ATP7A: variants seen among roughly 807,000 people sequenced by gnomAD.
The protein encoded by ATP7A is copper-transporting ATPase 1.
A neutral mutation model predicts 83.5 loss-of-function variants in ATP7A; 7 were observed. The observed-to-expected ratio is 0.08, with a 90% CI of 0.05 to 0.16. The LOEUF is 0.16. Ranked by LOEUF, ATP7A falls within the 10% of genes least tolerant of loss-of-function variation. The pLI, the probability that ATP7A is intolerant of heterozygous loss-of-function variation, is 1.00. For synonymous variants in ATP7A, 354 were observed against 395.2 expected, an observed-to-expected ratio of 0.90 and a Z score of 1.24; for missense variants, 940 against 1,120.8, an observed-to-expected ratio of 0.84 and a Z score of 2.30.
intron 1 of ATP7A, among the ~76,000 whole-genome samples, chrX:77,946,662 C>A (rs1018471235): frequency 1.9e-5 from 2 of 104,269 alleles, no homozygotes; most frequent in African/African-American, 7.0e-5. Context: ...TTCAATTCTT[C>A]ATTGAAATTT....
intron 16 of ATP7A, 69 bp downstream of exon 16, chrX:78,031,651 C>T: frequency 9.2e-7 from 1 of 1,090,201 alleles, no homozygotes; most frequent in Non-Finnish European, 1.3e-6. Context: ...CAAATCTAGT[C>T]TGGTGTTTGA....
At chrX:77,993,190 TA>T (rs1475359083) in intron 4 of ATP7A, among the ~76,000 whole-genome samples, 2 of 112,120 alleles carry the variant, frequency 1.8e-5, no homozygotes, top group African/African-American at 6.5e-5. Context: ...AAAACTGAAA[TA>T]TTTTTCATGT....
At chrX:78,010,541 C>G (rs1441020955) in intron 7 of ATP7A, among the ~76,000 whole-genome samples, 2 of 99,670 alleles carry the variant, frequency 2.0e-5, no homozygotes, top group Non-Finnish European at 4.0e-5. Flanking sequence ...TATGCAAGGC[C>G]TTGAATAATA....
intron 17 of ATP7A, among the ~76,000 whole-genome samples, chrX:78,036,632 G>A (rs200740235): frequency 1.8e-5 from 2 of 111,723 alleles, no homozygotes; most frequent in East Asian, 5.6e-4. Context: ...TGTAATCCCA[G>A]CACTTTGGGA....
chrX:78,042,634 C>T lies in ATP7A; in HGVS notation c.3851C>T (p.Ala1284Val). The part of the protein sequence containing the change: ...FAEVLPSHKV[A>V]KVKQLQEEGK... ...GAAGTTCTACCTTCTCACAAGGTTGCTAAAGTGAAGCAACTTCAAGAGGAG... is the reference window on the plus strand; with the variant it reads ...GAAGTTCTACCTTCTCACAAGGTTGTTAAAGTGAAGCAACTTCAAGAGGAG... The change falls in exon 20 of 23, where the codon GCT becomes GTT. Residue 1284 changes from alanine to valine, a missense_variant. This residue lies in a region of ATP7A where 386 missense variants were observed against 502.2 expected (regional missense o/e 0.77). Coordinates refer to ENST00000341514, the MANE Select transcript of ATP7A (RefSeq NM_000052.7). 1 of 1,211,769 alleles carries T rather than the reference C, an allele frequency of 8.3e-7. No individual in the cohort carries two copies. Among genetic ancestry groups the T allele is most frequent in the South Asian group, 1.8e-5 (1 of 56,979 alleles).
At chrX:78,041,228 C>T (rs781802782) in intron 19 of ATP7A, among the ~76,000 whole-genome samples, 1 of 111,693 alleles carries the variant, frequency 9.0e-6, no homozygotes, top group Non-Finnish European at 1.9e-5. Flanking sequence ...AATGCCTTCT[C>T]CCCTCTTCTA....
At chrX:78,036,576 T>A (rs1270946143) in intron 17 of ATP7A, among the ~76,000 whole-genome samples, 2 of 111,188 alleles carry the variant, frequency 1.8e-5, no homozygotes, top group East Asian at 5.7e-4. Context: ...AGGGACAAAA[T>A]CTGACTTAAC....
chrX:78,041,859 T>A (rs1557238446), intron 19 of ATP7A, among the ~76,000 whole-genome samples: 1 of 110,814 alleles, frequency 9.0e-6, no homozygotes, highest in Non-Finnish European at 1.9e-5. Context: ...GGCTCACGCC[T>A]GTAATCCCAG....
At chrX:77,936,708 A>G (rs1362294907) in intron 1 of ATP7A, among the ~76,000 whole-genome samples, 1 of 112,870 alleles carries the variant, frequency 8.9e-6, no homozygotes, top group Non-Finnish European at 1.9e-5. Context: ...TAATCCATAA[A>G]TGAAAAAATG....
chrX:77,940,045 A>G (rs1053277820), intron 1 of ATP7A, among the ~76,000 whole-genome samples: 10 of 110,764 alleles, frequency 9.0e-5, no homozygotes, highest in African/African-American at 3.3e-4. Flanking sequence ...GGTTCATATG[A>G]AAGAGTAAAT....
Position 78,042,586 on chromosome X carries a change from T to C in ATP7A, c.3803T>C (p.Val1268Ala). Residue 1268 changes from valine (V) to alanine (A), a missense_variant and splice_region_variant, in exon 20 of 23, where the codon GTT becomes GCT. By Grantham distance (64) the Val-to-Ala change is moderately conservative. This residue lies in a region of ATP7A where 386 missense variants were observed against 502.2 expected (regional missense o/e 0.77). Coordinates refer to ENST00000341514, the MANE Select transcript of ATP7A (RefSeq NM_000052.7). ...SKTARSIASQ[V>A]GITKVFAEVL... ...ATTGAGTTTATTTTCATCACATAGG[T>C]TGGCATTACTAAGGTGTTTGCTGAA... 4 of 1,210,453 alleles carry C rather than the reference T, an allele frequency of 3.3e-6. No homozygotes were observed. Among genetic ancestry groups the C allele is most frequent in the Non-Finnish European group, 4.5e-6 (4 of 894,081 alleles).
intron 19 of ATP7A, among the ~76,000 whole-genome samples, chrX:78,041,785 C>T (rs1313936298): frequency 2.2e-4 from 24 of 110,742 alleles, no homozygotes; most frequent in Admixed American, 1.9e-3. Flanking sequence ...GCTTTTTTTA[C>T]GTAACAGTAT....
intron 4 of ATP7A, among the ~76,000 whole-genome samples, chrX:77,994,180 A>G (rs1200286965): frequency 1.8e-5 from 2 of 110,108 alleles, no homozygotes; most frequent in Non-Finnish European, 3.8e-5. Context: ...ATTCTCCTGC[A>G]TCAGCCTCCT....
Position 77,998,517 on chromosome X carries a change from C to T in ATP7A, c.1376C>T (p.Ser459Leu), listed in dbSNP as rs1557232786. 6.6e-6 allele frequency: 8 copies of T among 1,210,014 alleles called. No individual in the cohort carries two copies. In the South Asian group the frequency reaches 8.8e-5, roughly 13 times the overall value. Residue 459 changes from serine to leucine, a missense_variant, in exon 5 of 23, where the codon TCG becomes TTG. Ser to Leu is a moderately radical substitution (Grantham distance 145). Transcript: ENST00000341514. ...TTGGTAGTAATAGCTCAGCCTTCATCGGAAATGCCGCTTTTGACTTCAACT... is the reference window on the plus strand; with the variant it reads ...TTGGTAGTAATAGCTCAGCCTTCATTGGAAATGCCGCTTTTGACTTCAACT... ...EPLVVIAQPS[S>L]EMPLLTSTNE... is the part of the protein sequence containing the mutation.
At chrX:77,946,299 C>CAA (rs782508466) in intron 1 of ATP7A, among the ~76,000 whole-genome samples, 7 of 49,270 alleles carry the variant, frequency 1.4e-4, no homozygotes, top group Non-Finnish European at 1.2e-4. Context: ...GACTCTGTCT[C>CAA]AAAAAAAAAA....
intron 1 of ATP7A, among the ~76,000 whole-genome samples, chrX:77,931,836 C>A (rs1557224393): frequency 2.0e-5 from 2 of 101,770 alleles, no homozygotes; most frequent in Admixed American, 1.0e-4. Flanking sequence ...CCCCCCACCT[C>A]CCTCCCGGAC....
chrX:78,039,619 C>T (rs1275247285), intron 18 of ATP7A, among the ~76,000 whole-genome samples: 2 of 112,229 alleles, frequency 1.8e-5, no homozygotes, highest in African/African-American at 3.2e-5. Flanking sequence ...CAGGCGTGAG[C>T]CACCATGCCC....
At chrX:77,921,153 G>T (rs782223756) in intron 1 of ATP7A, among the ~76,000 whole-genome samples, 1 of 111,749 alleles carries the variant, frequency 8.9e-6, no homozygotes, top group East Asian at 2.8e-4. Context: ...TGTCCTTCGT[G>T]ATCTGACCTT....
At chrX:77,978,797 G>T (rs1175818161) in intron 2 of ATP7A, among the ~76,000 whole-genome samples, 1 of 111,625 alleles carries the variant, frequency 9.0e-6, no homozygotes. Flanking sequence ...TATGATATTT[G>T]TTAGCTTTAA....
Sources: gnomAD v4.1 joint callset for allele counts (sites outside exome capture counted in the v4.1 genomes callset) on GRCh38, gnomAD v4.1.1 for gene constraint, gnomAD v4.1.1 regional missense constraint, MANE v1.5 for transcripts, NCBI Gene and HGNC (gene_info 2026-07-23, HGNC 2026-07-21) for gene names.